Variants in GLT1D1 observed in about 807,000 individuals in gnomAD.
GLT1D1 encodes glycosyltransferase 1 domain containing 1, also known as glycosyltransferase 1 domain-containing protein 1.
A neutral mutation model predicts 28.7 loss-of-function variants in GLT1D1; 21 were observed. The observed-to-expected ratio is 0.73, with a 90% CI of 0.52 to 1.05. The LOEUF (loss-of-function observed/expected upper bound fraction) is 1.05. Among genes scored for constraint, GLT1D1 ranks in the 50% least tolerant of loss-of-function variants. The probability of loss-of-function intolerance (pLI) is 0.00; values close to 1 mark genes in which losing one functional copy is unlikely to be tolerated. For synonymous variants in GLT1D1, 147 were observed against 124.8 expected (o/e 1.18, Z -1.19); for missense variants, 343 against 330.6 (o/e 1.04, Z -0.29).
At chr12:128,967,449 G>A (rs470464) in intron 7 of GLT1D1, among the ~76,000 whole-genome samples, 8,852 of 152,216 alleles carry the variant, frequency 0.058, 848 homozygotes, top group African/African-American at 0.2. Flanking sequence ...ATGCTTCTTC[G>A]GGAGAGTGGA....
At chr12:128,950,366 C>A (rs368133671) in intron 6 of GLT1D1, among the ~76,000 whole-genome samples, 1 of 152,170 alleles carries the variant, frequency 6.6e-6, no homozygotes, top group Non-Finnish European at 1.5e-5. Flanking sequence ...GCCATTGGCA[C>A]CCTCATTGAG....
intron 4 of GLT1D1, among the ~76,000 whole-genome samples, chr12:128,912,979 T>C (rs140254080): frequency 2.9e-4 from 44 of 152,322 alleles, no homozygotes; most frequent in African/African-American, 9.1e-4. Flanking sequence ...GGAGAAATTA[T>C]AAAATAATGA....
chr12:128,905,059 G>A (rs983995767), intron 4 of GLT1D1, among the ~76,000 whole-genome samples: 2 of 146,944 alleles, frequency 1.4e-5, no homozygotes, highest in African/African-American at 5.0e-5. Context: ...ATGAGCCACC[G>A]CGCCTGGCCC....
At chr12:128,970,484 C>T (rs1236181934) in intron 7 of GLT1D1, among the ~76,000 whole-genome samples, 1 of 152,216 alleles carries the variant, frequency 6.6e-6, no homozygotes, top group Non-Finnish European at 1.5e-5. Context: ...CTCCCCGCAG[C>T]CACAGGCACC....
intron 3 of GLT1D1, among the ~76,000 whole-genome samples, chr12:128,889,634 G>A (rs577728450): frequency 6.6e-6 from 1 of 152,332 alleles, no homozygotes; most frequent in South Asian, 2.1e-4. Context: ...TCAATACGGT[G>A]AAAGGAGGTT....
intron 4 of GLT1D1, chr12:128,945,070 A>G (rs940295909): frequency 4.5e-6 from 3 of 663,322 alleles, no homozygotes; most frequent in Non-Finnish European, 5.4e-6. Context: ...GCCCCGCAGC[A>G]TGTTGTCCCG....
chr12:128,906,709 GTTTTTCTTTTTTTT>G (rs1211834900), intron 4 of GLT1D1, among the ~76,000 whole-genome samples: 7 of 150,244 alleles, frequency 4.7e-5, no homozygotes, highest in South Asian at 4.2e-4. Context: ...TTAGAGTGAG[GTTTTTCTTTTTTTT>G]TTTTTCTTTT....
At chr12:128,878,190 A>C (rs180988353) in intron 2 of GLT1D1, among the ~76,000 whole-genome samples, 6 of 152,270 alleles carry the variant, frequency 3.9e-5, no homozygotes, top group Admixed American at 3.3e-4. Flanking sequence ...ACACCCATGC[A>C]TGTATTTATA....
In GLT1D1 at chr12:128,980,505, T is replaced by A. The variant is rs1411835811; in HGVS notation, c.640-2424T>A. 2.6e-5 allele frequency among the ~76,000 whole-genome samples: 4 copies of A among 152,344 alleles called. No homozygotes were observed. In the East Asian group the frequency reaches 7.7e-4, roughly 29 times the overall value. On this transcript the variant is annotated intron_variant, in intron 7 of 7. Transcript: ENST00000281703. ...TTCCGAGTCTGCAGTTTGAGCTGGA[T>A]TCGCGGGGTGGTGCTTCTGCTGATC... is the stretch of plus-strand genomic sequence containing the variant.
intron 2 of GLT1D1, among the ~76,000 whole-genome samples, chr12:128,879,448 T>C (rs370030242): frequency 1.1e-4 from 14 of 126,796 alleles, no homozygotes; most frequent in Non-Finnish European, 6.6e-5. Flanking sequence ...CTTTCTTTCT[T>C]TCTTTCTTTC....
chr12:128,922,208 T>C (rs940598349), intron 4 of GLT1D1, among the ~76,000 whole-genome samples: 1 of 151,812 alleles, frequency 6.6e-6, no homozygotes, highest in Admixed American at 6.6e-5. Context: ...ACACCAGCTA[T>C]GTGTGCTGGG....
At chr12:128,895,936 A>T (rs1314107012) in intron 3 of GLT1D1, among the ~76,000 whole-genome samples, 2 of 152,190 alleles carry the variant, frequency 1.3e-5, no homozygotes, top group Non-Finnish European at 2.9e-5. Context: ...TATGGTGGAA[A>T]CCAATGAAGA....
intron 4 of GLT1D1, among the ~76,000 whole-genome samples, chr12:128,902,312 C>T (rs901706980): frequency 6.7e-6 from 1 of 150,360 alleles, no homozygotes; most frequent in African/African-American, 2.5e-5. Flanking sequence ...GGAGAAACCC[C>T]GACTCTACTA....
intron 4 of GLT1D1, among the ~76,000 whole-genome samples, chr12:128,922,292 T>C (rs1169917364): frequency 6.6e-6 from 1 of 152,174 alleles, no homozygotes; most frequent in Admixed American, 6.5e-5. Context: ...ATATTTCCTT[T>C]GTAATTAGTA....
At chr12:128,924,916 G>C (rs1873035615) in intron 4 of GLT1D1, among the ~76,000 whole-genome samples, 1 of 152,158 alleles carries the variant, frequency 6.6e-6, no homozygotes, top group Non-Finnish European at 1.5e-5. Flanking sequence ...ACAGTGATCT[G>C]TTCCACTTCA....
chr12:128,856,837 C>T (rs930746396), intron 1 of GLT1D1, among the ~76,000 whole-genome samples: 1 of 152,098 alleles, frequency 6.6e-6, no homozygotes. Context: ...TGTGGTGGCA[C>T]AGACCTGTAA....
At chr12:128,957,932 G>A (rs962507159) in intron 7 of GLT1D1, among the ~76,000 whole-genome samples, 2 of 152,246 alleles carry the variant, frequency 1.3e-5, no homozygotes, top group African/African-American at 2.4e-5. Context: ...TTTCTGAAAC[G>A]TGCACTCTCA....
At chr12:128,937,813 C>T (rs780439304) in intron 4 of GLT1D1, among the ~76,000 whole-genome samples, 2 of 152,138 alleles carry the variant, frequency 1.3e-5, no homozygotes, top group African/African-American at 2.4e-5. Flanking sequence ...TGAAGAAAGA[C>T]GTGTTTGCTT....
chr12:128,944,543 C>G, intron 4 of GLT1D1: 1 of 808,544 alleles, frequency 1.2e-6, no homozygotes, highest in South Asian at 1.3e-5. Context: ...ATGTTGTAGA[C>G]TTGGCCATTG....
Sources: allele counts gnomAD v4.1 joint callset (sites outside exome capture counted in the v4.1 genomes callset), GRCh38; gene constraint gnomAD v4.1.1; transcripts MANE v1.5; gene names NCBI Gene and HGNC (gene_info 2026-07-23, HGNC 2026-07-21).